The following COMMD10 variants were observed in gnomAD, a reference collection of about 807,000 sequenced individuals.
COMMD10 encodes the protein COMM domain-containing protein 10.
In COMMD10, 33 loss-of-function variants were observed where a neutral mutation model predicts 28.9. The ratio of observed to expected loss-of-function variants is 1.14; its 90% CI spans 0.87 to 1.53. The LOEUF (loss-of-function observed/expected upper bound fraction) is 1.53, where lower values mean the gene tolerates loss of function less well. COMMD10 is among the 40% of genes most tolerant of loss of function. The pLI is 0.00. For synonymous variants in COMMD10, 110 were observed against 81.7 expected, an observed-to-expected ratio of 1.35 and a Z score of -1.87; for missense variants, 310 against 233.4, an observed-to-expected ratio of 1.33 and a Z score of -2.14.
At chr5:116,089,731 GT>G (rs1750236336) in intron 2 of COMMD10, among the ~76,000 whole-genome samples, 1 of 152,172 alleles carries the variant, frequency 6.6e-6, no homozygotes, top group African/African-American at 2.4e-5. Context: ...GAAGTTACCC[GT>G]CCTGCTGGCA....
intron 4 of COMMD10, among the ~76,000 whole-genome samples, chr5:116,097,551 G>A (rs538346918): frequency 3.1e-4 from 47 of 152,260 alleles, no homozygotes; most frequent in South Asian, 6.2e-4. Flanking sequence ...ATTTTTCTGC[G>A]TCAGGCATTA....
At chr5:116,289,412 A>C (rs572381153) in intron 5 of COMMD10, among the ~76,000 whole-genome samples, 1 of 151,892 alleles carries the variant, frequency 6.6e-6, no homozygotes, top group East Asian at 1.9e-4. Context: ...GACCTTCACT[A>C]ATACCCCAGC....
intron 5 of COMMD10, among the ~76,000 whole-genome samples, chr5:116,236,652 G>A (rs1749672801): frequency 6.6e-6 from 1 of 151,956 alleles, no homozygotes; most frequent in African/African-American, 2.4e-5. Context: ...AGACAAAACT[G>A]TGAAGAGAGT....
intron 5 of COMMD10, among the ~76,000 whole-genome samples, chr5:116,148,618 T>G (rs1752416139): frequency 6.6e-6 from 1 of 151,856 alleles, no homozygotes; most frequent in Non-Finnish European, 1.5e-5. Context: ...AAAGGGATCT[T>G]AAGTGGATTT....
intron 5 of COMMD10, among the ~76,000 whole-genome samples, chr5:116,144,042 G>C (rs988225399): frequency 2.0e-5 from 3 of 151,824 alleles, no homozygotes; most frequent in South Asian, 2.1e-4. Flanking sequence ...TTTATTTTTT[G>C]AGCATTTCAA....
intron 5 of COMMD10, among the ~76,000 whole-genome samples, chr5:116,203,110 G>A (rs1359482798): frequency 6.6e-6 from 1 of 152,042 alleles, no homozygotes; most frequent in Non-Finnish European, 1.5e-5. Context: ...CATATGGCTA[G>A]CCAGTTTTCC....
rs547489981 is a variant in COMMD10, at chr5:116,249,029, T to A, written c.511-42488T>A. 7.9e-5 allele frequency among the ~76,000 whole-genome samples: 12 copies of A among 152,102 alleles called. 1 individual carries two copies. In the South Asian group the frequency reaches 2.3e-3, roughly 29 times the overall value. On this transcript the variant is annotated intron_variant, in intron 5 of 6. Coordinates refer to ENST00000274458, the MANE Select transcript of COMMD10 (RefSeq NM_016144.4). The stretch of plus-strand genomic sequence containing the variant: ...TAAGCTGTGTTAAATGTTAATGATA[T>A]TGTCTTTAGCAATTTTTATTGTTTT...
intron 5 of COMMD10, among the ~76,000 whole-genome samples, chr5:116,270,766 A>G (rs1385357249): frequency 6.6e-6 from 1 of 151,640 alleles, no homozygotes; most frequent in Non-Finnish European, 1.5e-5. Context: ...GTGAAACCCC[A>G]TCTCTACTGA....
chr5:116,126,651 C>A (rs1307725042), intron 4 of COMMD10, among the ~76,000 whole-genome samples: 1 of 151,690 alleles, frequency 6.6e-6, no homozygotes, highest in Admixed American at 6.6e-5. Flanking sequence ...CTTTGACAAA[C>A]CTGACAAAAA....
chr5:116,142,494 C>G (rs1028379040), intron 5 of COMMD10, among the ~76,000 whole-genome samples: 1 of 151,690 alleles, frequency 6.6e-6, no homozygotes, highest in African/African-American at 2.4e-5. Context: ...CAAAATAAAA[C>G]AAAACATCTT....
At chr5:116,286,852 G>GTAT (rs1390498818) in intron 5 of COMMD10, among the ~76,000 whole-genome samples, 1 of 151,694 alleles carries the variant, frequency 6.6e-6, no homozygotes, top group Non-Finnish European at 1.5e-5. Flanking sequence ...AGAGTGTTCC[G>GTAT]TATATGTCTG....
At position 116,259,327 on chromosome 5, in the gene COMMD10, G is replaced by T. The variant is rs76274526; in HGVS notation, c.511-32190G>T. 4.1e-3 allele frequency among the ~76,000 whole-genome samples: 621 copies of T among 151,010 alleles called. 17 individuals are homozygous for T. Among genetic ancestry groups the T allele is most frequent in the African/African-American group, 0.014 (582 of 40,986 alleles). On this transcript the variant is annotated intron_variant, in intron 5 of 6. Coordinates refer to ENST00000274458, the MANE Select transcript of COMMD10 (RefSeq NM_016144.4). ...ATTTTCTTTTTTAAGGCTTTGTATT[G>T]TCATTATTTTGTTAGTCATGTTTTT...
chr5:116,289,025 G>T (rs1321205286), intron 5 of COMMD10, among the ~76,000 whole-genome samples: 1 of 151,190 alleles, frequency 6.6e-6, no homozygotes, highest in Non-Finnish European at 1.5e-5. Flanking sequence ...GGGATTAAAG[G>T]TGCATGCCAC....
chr5:116,191,308 T>G (rs2416435), intron 5 of COMMD10, among the ~76,000 whole-genome samples: 47,365 of 151,804 alleles, frequency 0.31, 10,182 homozygotes, highest in African/African-American at 0.62. Flanking sequence ...AGAACTCGGG[T>G]GAGGACACAA....
intron 4 of COMMD10, among the ~76,000 whole-genome samples, chr5:116,100,440 A>T (rs1561599934): frequency 6.7e-6 from 1 of 149,814 alleles, no homozygotes; most frequent in Non-Finnish European, 1.5e-5. Context: ...GAAATTTTAT[A>T]GTCTCAGATC....
rs182421144 is a variant in COMMD10, at chr5:116,169,437, C to T, written c.510+35259C>T. ...CAGAGATACAAAGAGGAGTTTCCTT[C>T]GGAAACTATTCTGAACAATAGAAAA... On this transcript the variant is annotated intron_variant, in intron 5 of 6. Transcript: ENST00000274458. 9.2e-5 allele frequency among the ~76,000 whole-genome samples: 14 copies of T among 152,060 alleles called. No individual in the cohort carries two copies. The East Asian group carries it at 1.5e-3, about 17-fold the overall frequency.
chr5:116,154,751 T>C (rs1752650725), intron 5 of COMMD10, among the ~76,000 whole-genome samples: 1 of 151,406 alleles, frequency 6.6e-6, no homozygotes, highest in East Asian at 1.9e-4. Context: ...TCTTTTTCTT[T>C]TTGCACATAC....
At chr5:116,133,447 G>GT (rs2112771666) in intron 4 of COMMD10, among the ~76,000 whole-genome samples, 1 of 152,248 alleles carries the variant, frequency 6.6e-6, no homozygotes, top group Admixed American at 6.5e-5. Context: ...GGGAACGATA[G>GT]TAAGAGTACC....
chr5:116,177,571 T>C (rs1753557415), intron 5 of COMMD10, among the ~76,000 whole-genome samples: 1 of 150,362 alleles, frequency 6.7e-6, no homozygotes, highest in Non-Finnish European at 1.5e-5. Flanking sequence ...TAGGATCAGA[T>C]CTCTGCCTAC....
Sources: gnomAD v4.1 joint callset for allele counts (sites outside exome capture counted in the v4.1 genomes callset) on GRCh38, gnomAD v4.1.1 for gene constraint, MANE v1.5 for transcripts, NCBI Gene and HGNC (gene_info 2026-07-23, HGNC 2026-07-21) for gene names.